The following IKZF1 variants were observed in gnomAD, a reference collection of about 807,000 sequenced individuals.
IKZF1 encodes the protein IKAROS family zinc finger 1.
A neutral mutation model predicts 51.7 loss-of-function variants in IKZF1; 10 were observed. The observed-to-expected ratio is 0.19, with a 90% CI of 0.12 to 0.33. The LOEUF is 0.33. Among genes scored for constraint, IKZF1 ranks in the 10% least tolerant of loss-of-function variants. IKZF1 has a pLI of 1.00. For synonymous variants in IKZF1, 280 were observed against 282.3 expected (o/e 0.99, Z 0.08); for missense variants, 484 against 707.5 (o/e 0.68, Z 3.58).
At chr7:50,398,456 G>T (rs1023469701) in intron 7 of IKZF1, among the ~76,000 whole-genome samples, 17 of 151,994 alleles carry the variant, frequency 1.1e-4, no homozygotes, top group African/African-American at 3.9e-4. Context: ...CCTTCTTGTT[G>T]TCCCCAACAC....
At chr7:50,331,323 A>G (rs1246528855) in intron 3 of IKZF1, among the ~76,000 whole-genome samples, 2 of 152,108 alleles carry the variant, frequency 1.3e-5, no homozygotes, top group Admixed American at 1.3e-4. Flanking sequence ...AGAATTTGTT[A>G]GAATAGGGCA....
At chr7:50,330,709 G>C (rs975254792) in intron 3 of IKZF1, among the ~76,000 whole-genome samples, 1 of 152,148 alleles carries the variant, frequency 6.6e-6, no homozygotes, top group African/African-American at 2.4e-5. Context: ...AATATAAAAA[G>C]GTAGGGGAAT....
chr7:50,390,453 T>C (rs6969942), intron 6 of IKZF1, among the ~76,000 whole-genome samples: 60,242 of 152,140 alleles, frequency 0.4, 12,687 homozygotes, highest in Non-Finnish European at 0.49. Flanking sequence ...AATGTTAAAA[T>C]ATAAAATATA....
intron 5 of IKZF1, among the ~76,000 whole-genome samples, chr7:50,383,477 C>G (rs1042591978): frequency 6.6e-6 from 1 of 152,218 alleles, no homozygotes; most frequent in Non-Finnish European, 1.5e-5. Flanking sequence ...TCCCATAATT[C>G]TACAGGGCAG....
At chr7:50,391,153 A>G (rs921393745) in intron 6 of IKZF1, among the ~76,000 whole-genome samples, 53 of 152,186 alleles carry the variant, frequency 3.5e-4, no homozygotes, top group African/African-American at 1.3e-3. Context: ...TACCTCCATA[A>G]TTTCTAAATT....
chr7:50,357,831 G>T (rs1487516272), intron 3 of IKZF1, among the ~76,000 whole-genome samples: 1 of 152,220 alleles, frequency 6.6e-6, no homozygotes, highest in African/African-American at 2.4e-5. Context: ...TAAGAAATGG[G>T]CTTTGGAGTG....
chr7:50,385,040 G>T (rs768522367), intron 5 of IKZF1, among the ~76,000 whole-genome samples: 1 of 152,152 alleles, frequency 6.6e-6, no homozygotes, highest in Non-Finnish European at 1.5e-5. Context: ...TTCATTTGAG[G>T]CATGATGGTT....
intron 3 of IKZF1, chr7:50,328,656 T>A (rs1242124902): frequency 6.6e-6 from 1 of 152,152 alleles, no homozygotes; most frequent in Non-Finnish European, 1.5e-5. Context: ...TAAGCCCCCA[T>A]AGCCAAGGAG....
intron 3 of IKZF1, among the ~76,000 whole-genome samples, chr7:50,353,555 C>A (rs1584710314): frequency 6.6e-6 from 1 of 152,226 alleles, no homozygotes; most frequent in African/African-American, 2.4e-5. Flanking sequence ...CCAGGCTAAT[C>A]CTCCAGTGAT....
At chr7:50,368,128 C>T (rs1445631692) in intron 3 of IKZF1, 2 of 703,344 alleles carry the variant, frequency 2.8e-6, no homozygotes, top group Non-Finnish European at 5.2e-6. Flanking sequence ...ATGTAAATAT[C>T]GTACGTGCAT....
In IKZF1 at chr7:50,368,227, A is replaced by G. The variant is rs1243805289; in HGVS notation, c.161-8306A>G. ...TATCATTTTTGGGTATTTATACCAT[A>G]AAGTGCAAAACGAAGGTCTAGGCAG... On this transcript the variant is annotated intron_variant, in intron 3 of 7. Coordinates refer to ENST00000331340, the MANE Select transcript of IKZF1 (RefSeq NM_006060.6). 1.3e-5 allele frequency: 9 copies of G among 703,118 alleles called. No individual in the cohort carries two copies. The highest frequency in any genetic ancestry group is 4.0e-5 in the Admixed American group (2 of 49,976). 43.6% of individuals were successfully genotyped at this position (703,118 alleles called of 1,614,324 possible). A position where few individuals can be genotyped will look rare whatever the true frequency, so the allele number is the denominator to read the frequency against.
rs148213614 is a variant in IKZF1, at chr7:50,387,241, AT to A, written c.590-94del. ...AACAGTTTTAGCTCTCAAGGGTAGA[AT>A]TTTTTTTTTAACTTTTTTGGTAATA... On this transcript the variant is annotated intron_variant, in intron 5 of 7. Coordinates refer to ENST00000331340, the MANE Select transcript of IKZF1 (RefSeq NM_006060.6). 3,849 of 1,321,588 alleles carry A rather than the reference AT, an allele frequency of 2.9e-3. 30 individuals carry two copies. In the African/African-American group the frequency reaches 0.029, roughly 10 times the overall value. 81.9% of individuals were successfully genotyped at this position (1,321,588 alleles called of 1,614,324 possible).
At chr7:50,381,322 A>G (rs555597321) in intron 4 of IKZF1, among the ~76,000 whole-genome samples, 22 of 152,354 alleles carry the variant, frequency 1.4e-4, no homozygotes, top group African/African-American at 5.0e-4. Context: ...AAGTGACTCC[A>G]GGAAATATGT....
At chr7:50,356,639 T>C (rs1803490524) in intron 3 of IKZF1, among the ~76,000 whole-genome samples, 1 of 152,236 alleles carries the variant, frequency 6.6e-6, no homozygotes, top group Non-Finnish European at 1.5e-5. Flanking sequence ...TTCCTTACTC[T>C]TACTTCCCTT....
intron 1 of IKZF1, chr7:50,318,483 C>G (rs1016820560): frequency 4.4e-6 from 1 of 227,468 alleles, no homozygotes; most frequent in African/African-American, 2.2e-5. Context: ...CAGGAGCGCC[C>G]GCATTGCCCA....
At chr7:50,327,614 C>T (rs1795380427) in intron 2 of IKZF1, 24 bp from the exon 3 acceptor site, 1 of 1,594,034 alleles carries the variant, frequency 6.3e-7, no homozygotes, top group Non-Finnish European at 8.5e-7. Flanking sequence ...CCGCCCGAGA[C>T]TCACACTTCT....
intron 1 of IKZF1, among the ~76,000 whole-genome samples, chr7:50,313,659 G>C (rs570456573): frequency 6.6e-6 from 1 of 152,228 alleles, no homozygotes; most frequent in Non-Finnish European, 1.5e-5. Context: ...TTGATTAGCT[G>C]TGTGACCTGG....
chr7:50,400,431 G>A lies in IKZF1; in HGVS notation c.1364G>A (p.Ser455Asn), dbSNP rs1817877967. 1.2e-6 allele frequency: 2 copies of A among 1,613,766 alleles called. No individual in the cohort carries two copies. The highest frequency in any genetic ancestry group is 3.3e-5 in the Admixed American group (2 of 60,006). Residue 455 changes from serine (S) to asparagine (N), a missense_variant, in exon 8 of 8, where the codon AGC becomes AAC. Coordinates refer to ENST00000331340, the MANE Select transcript of IKZF1 (RefSeq NM_006060.6). This position sits in a 1 kb window ranked among gnomAD's most constrained non-coding sequence, Gnocchi z 5.4. ...SQDALRVVST[S>N]GEQMKVYKCE... ...GACGCGCTCCGCGTGGTCAGCACCAGCGGGGAGCAGATGAAGGTGTACAAG... is the reference window on the plus strand; with the variant it reads ...GACGCGCTCCGCGTGGTCAGCACCAACGGGGAGCAGATGAAGGTGTACAAG...
At chr7:50,382,492 TC>T (rs1312826073) in intron 4 of IKZF1, 47 bp from the exon 5 acceptor site, 1 of 1,572,478 alleles carries the variant, frequency 6.4e-7, no homozygotes. Flanking sequence ...CGTCCTCATG[TC>T]CCCACGCTGA....
Sources: allele counts gnomAD v4.1 joint callset (sites outside exome capture counted in the v4.1 genomes callset), GRCh38; gene constraint gnomAD v4.1.1; non-coding constraint Gnocchi (gnomAD v3.1); transcripts MANE v1.5; gene names NCBI Gene and HGNC (gene_info 2026-07-23, HGNC 2026-07-21).